CRCP: variants seen among roughly 807,000 people sequenced by gnomAD.
The protein encoded by CRCP is CGRP receptor component, also known as DNA-directed RNA polymerase III subunit RPC9.
Under a neutral mutation model 18.5 loss-of-function variants are expected in CRCP, and 18 were observed. That is an observed-to-expected ratio of 0.97 (90% confidence interval 0.67 to 1.44). CRCP has a LOEUF of 1.44. Among genes scored for constraint, CRCP ranks in the 40% most tolerant of loss-of-function variants. The probability of loss-of-function intolerance (pLI) is 0.00; values close to 1 mark genes in which losing one functional copy is unlikely to be tolerated. For missense variants in CRCP, 130 were observed against 176.4 expected, an observed-to-expected ratio of 0.74 and a Z score of 1.49; for synonymous variants, 53 against 62.9, an observed-to-expected ratio of 0.84 and a Z score of 0.75.
At chr7:66,141,637 C>T (rs920230186) in intron 4 of CRCP, among the ~76,000 whole-genome samples, 8 of 152,066 alleles carry the variant, frequency 5.3e-5, no homozygotes, top group East Asian at 1.9e-4. Flanking sequence ...ATGGAAGCCC[C>T]GAGGGCAGGC....
At position 66,142,497 on chromosome 7, in the gene CRCP, A is replaced by G. The variant is rs111432612; in HGVS notation, c.240-2946A>G. Reference sequence around the variant, plus strand: ...TTGGTTGGCAAATACAGTGACTTCTATATTGACACAGTCAACCTATTTTTC... The same window carrying G: ...TTGGTTGGCAAATACAGTGACTTCTGTATTGACACAGTCAACCTATTTTTC... On this transcript the variant is annotated intron_variant, in intron 4 of 5. Coordinates refer to ENST00000395326, the MANE Select transcript of CRCP (RefSeq NM_014478.5). Among the ~76,000 whole-genome samples the G allele has an allele frequency of 1.4e-4, 22 of 152,244 alleles. 1 individual carries two copies. Among genetic ancestry groups the G allele is most frequent in the South Asian group, 8.3e-4 (4 of 4,820 alleles).
intron 1 of CRCP, 25 bp from the exon 2 acceptor site, chr7:66,127,679 A>T (rs1787656191): frequency 1.9e-6 from 3 of 1,613,950 alleles, no homozygotes; most frequent in Middle Eastern, 1.6e-4. Context: ...GCCCAGACTG[A>T]TGATAGCTTA....
Position 66,124,875 on chromosome 7 carries a change from A to G in CRCP, c.9-2829A>G, listed in dbSNP as rs189597437. On this transcript the variant is annotated intron_variant, in intron 1 of 5. Coordinates refer to ENST00000395326, the MANE Select transcript of CRCP (RefSeq NM_014478.5). ...TGATAATCTACTATTATTAAGATAC[A>G]ATGTAAACTCACATTTCTTCAGTTG... Among the ~76,000 whole-genome samples the G allele has an allele frequency of 9.5e-4, 142 of 149,424 alleles. 14 individuals are homozygous for G. The South Asian group carries it at 0.014, about 15-fold the overall frequency.
At chr7:66,147,113 G>A (rs1584099110) in intron 5 of CRCP, among the ~76,000 whole-genome samples, 1 of 152,082 alleles carries the variant, frequency 6.6e-6, no homozygotes, top group East Asian at 1.9e-4. Context: ...AGGCCAAGGT[G>A]GGCAGATCAC....
intron 3 of CRCP, among the ~76,000 whole-genome samples, chr7:66,133,165 C>T (rs548054627): frequency 1.3e-5 from 2 of 152,140 alleles, no homozygotes; most frequent in East Asian, 3.9e-4. Context: ...GTCTTTCCTG[C>T]AGTAGTTATG....
intron 5 of CRCP, among the ~76,000 whole-genome samples, chr7:66,148,682 A>G (rs954073466): frequency 1.3e-5 from 2 of 152,028 alleles, no homozygotes; most frequent in Non-Finnish European, 2.9e-5. Context: ...ATTGATTTGG[A>G]ATGATTTGTG....
chr7:66,129,615 A>T (rs1194066705), intron 2 of CRCP, among the ~76,000 whole-genome samples: 3 of 149,814 alleles, frequency 2.0e-5, no homozygotes, highest in African/African-American at 7.4e-5. Context: ...AGTTGGCCAT[A>T]TTCTTTCCTC....
intron 4 of CRCP, among the ~76,000 whole-genome samples, chr7:66,145,110 C>T (rs933156639): frequency 9.2e-5 from 14 of 152,002 alleles, no homozygotes; most frequent in African/African-American, 3.1e-4. Flanking sequence ...GAGCCAAGAT[C>T]GTGCCACTGC....
chr7:66,127,847 T>C, intron 2 of CRCP, 107 bp downstream of exon 2: 1 of 1,227,958 alleles, frequency 8.1e-7, no homozygotes, highest in South Asian at 1.2e-5. Flanking sequence ...GGTGCAGTGG[T>C]TCACGCCTGT....
chr7:66,134,259 C>CTTTTT, intron 3 of CRCP, 21 bp from the exon 4 acceptor site: 1 of 1,386,640 alleles, frequency 7.2e-7, no homozygotes, highest in East Asian at 2.4e-5. Context: ...TGGCTTTTTT[C>CTTTTT]TTTTTTTTTT....
chr7:66,124,240 G>C (rs942287185), intron 1 of CRCP, among the ~76,000 whole-genome samples: 2 of 149,544 alleles, frequency 1.3e-5, no homozygotes, highest in Non-Finnish European at 3.0e-5. Context: ...GGTGCCTGTA[G>C]TCCCAGCTGC....
intron 5 of CRCP, among the ~76,000 whole-genome samples, chr7:66,151,979 A>G (rs940928838): frequency 4.6e-5 from 7 of 151,882 alleles, no homozygotes; most frequent in African/African-American, 1.5e-4. Flanking sequence ...GAAAAATGCT[A>G]TCCTACAACT....
At chr7:66,118,945 A>T (rs1429073618) in intron 1 of CRCP, among the ~76,000 whole-genome samples, 2 of 152,170 alleles carry the variant, frequency 1.3e-5, no homozygotes, top group Non-Finnish European at 2.9e-5. Flanking sequence ...CAGAAAACAG[A>T]AGCTCTGTCT....
At chr7:66,150,272 G>A (rs1447897900) in intron 5 of CRCP, among the ~76,000 whole-genome samples, 1 of 150,732 alleles carries the variant, frequency 6.6e-6, no homozygotes, top group African/African-American at 2.4e-5. Flanking sequence ...AAAATTATCT[G>A]GGTGTGGTGG....
In CRCP at chr7:66,154,454, A is replaced by T. The variant is rs1788555673; in HGVS notation, c.*2097A>T. On this transcript the variant is annotated 3_prime_UTR_variant, in exon 6 of 6. Coordinates refer to ENST00000395326, the MANE Select transcript of CRCP (RefSeq NM_014478.5). ...GGTTTTTCTTGATGGATTTAGGGTT[A>T]ACCTAGTTAATAATAAATTGTTTCC... The T allele has an allele frequency of 6.6e-6, 1 of 152,098 alleles. No individual in the cohort carries two copies. The highest frequency in any genetic ancestry group is 2.4e-5 in the African/African-American group (1 of 41,426). The allele number at this position is 152,098 out of a possible 1,614,324, so 9.4% of individuals were successfully genotyped here.
At chr7:66,149,598 G>A (rs918842698) in intron 5 of CRCP, among the ~76,000 whole-genome samples, 2 of 152,060 alleles carry the variant, frequency 1.3e-5, no homozygotes, top group African/African-American at 2.4e-5. Flanking sequence ...GTTCACTAAC[G>A]GCCGGAGCTT....
chr7:66,118,964 C>T (rs1183163450), intron 1 of CRCP, among the ~76,000 whole-genome samples: 6 of 152,172 alleles, frequency 3.9e-5, no homozygotes, highest in Admixed American at 2.6e-4. Flanking sequence ...CTGTCTCTTG[C>T]CCTCTAATCA....
At chr7:66,147,468 C>T (rs1223279238) in intron 5 of CRCP, among the ~76,000 whole-genome samples, 1 of 152,146 alleles carries the variant, frequency 6.6e-6, no homozygotes, top group African/African-American at 2.4e-5. Flanking sequence ...GTGTCCTCTC[C>T]ATTTTAGCCC....
At chr7:66,149,929 C>T (rs2116053295) in intron 5 of CRCP, among the ~76,000 whole-genome samples, 1 of 152,178 alleles carries the variant, frequency 6.6e-6, no homozygotes, top group East Asian at 2.0e-4. Context: ...GCCTCAGCCT[C>T]CCGTGTAGCT....
Sources: gnomAD v4.1 joint callset for allele counts (sites outside exome capture counted in the v4.1 genomes callset) on GRCh38, gnomAD v4.1.1 for gene constraint, MANE v1.5 for transcripts, NCBI Gene and HGNC (gene_info 2026-07-23, HGNC 2026-07-21) for gene names.